Variants in TMEM135 observed in about 807,000 individuals in gnomAD.
TMEM135 encodes peroxisomal membrane protein 52.
In TMEM135, 30 loss-of-function variants were observed where a neutral mutation model predicts 60.3. The observed-to-expected ratio is 0.50, with a 90% CI of 0.37 to 0.68. The LOEUF (loss-of-function observed/expected upper bound fraction) is 0.68. Among genes scored for constraint, TMEM135 ranks in the 30% least tolerant of loss-of-function variants. The pLI is 0.00. For missense variants in TMEM135, 468 were observed against 548.8 expected (o/e 0.85, Z 1.47); for synonymous variants, 190 against 186.7 (o/e 1.02, Z -0.14).
In TMEM135 at chr11:87,223,296, C is replaced by T. The variant is rs1940687680; in HGVS notation, c.463-13342C>T. Among the ~76,000 whole-genome samples the T allele has an allele frequency of 3.3e-5, 5 of 151,842 alleles. No homozygotes were observed. The South Asian group carries it at 6.2e-4, about 19-fold the overall frequency. ...TCTCCTGCCTCAGCCTCCCGAGTAG[C>T]TGTGACTACAGGCGCCAGCCACCAT... is the stretch of plus-strand genomic sequence containing the variant. On this transcript the variant is annotated intron_variant, in intron 5 of 14. Coordinates refer to ENST00000305494, the MANE Select transcript of TMEM135 (RefSeq NM_022918.4).
chr11:87,102,087 C>G (rs964452058), intron 4 of TMEM135, among the ~76,000 whole-genome samples: 1 of 152,230 alleles, frequency 6.6e-6, no homozygotes, highest in African/African-American at 2.4e-5. Flanking sequence ...CTGGCAGACA[C>G]CAGCTTAGTG....
intron 8 of TMEM135, among the ~76,000 whole-genome samples, chr11:87,303,851 A>G (rs1942489382): frequency 6.6e-6 from 1 of 152,218 alleles, no homozygotes; most frequent in Admixed American, 6.5e-5. Context: ...CAGAGAATGA[A>G]TTATATGGGT....
chr11:87,225,297 G>A (rs936690904), intron 5 of TMEM135, among the ~76,000 whole-genome samples: 1 of 152,002 alleles, frequency 6.6e-6, no homozygotes, highest in Admixed American at 6.5e-5. Context: ...CTCTAAAGTA[G>A]GGGTAATGAT....
At chr11:87,128,377 G>A (rs1937798250) in intron 4 of TMEM135, among the ~76,000 whole-genome samples, 1 of 152,018 alleles carries the variant, frequency 6.6e-6, no homozygotes, top group Non-Finnish European at 1.5e-5. Context: ...TCAACCTTCT[G>A]CGTGTTCTTT....
chr11:87,316,893 TA>T (rs1439603299), intron 12 of TMEM135, among the ~76,000 whole-genome samples: 1 of 151,524 alleles, frequency 6.6e-6, no homozygotes, highest in East Asian at 1.9e-4. Flanking sequence ...TTTTTTTTTT[TA>T]AATAGGATAT....
intron 4 of TMEM135, among the ~76,000 whole-genome samples, chr11:87,142,335 C>A (rs1938285241): frequency 6.6e-6 from 1 of 152,256 alleles, no homozygotes; most frequent in East Asian, 1.9e-4. Flanking sequence ...CGCTTGAGGG[C>A]ATGGATAGAG....
chr11:87,101,764 T>C (rs1006227129), intron 4 of TMEM135, among the ~76,000 whole-genome samples: 4 of 152,072 alleles, frequency 2.6e-5, no homozygotes, highest in Admixed American at 2.6e-4. Flanking sequence ...CACCAGAGGT[T>C]GGGAGTTCGA....
At chr11:87,181,884 G>A (rs754166301) in intron 5 of TMEM135, among the ~76,000 whole-genome samples, 5 of 151,660 alleles carry the variant, frequency 3.3e-5, no homozygotes, top group South Asian at 4.2e-4. Flanking sequence ...TCTTTTATAA[G>A]AATTGAATCA....
chr11:87,097,752 G>A (rs1857363057), intron 4 of TMEM135, among the ~76,000 whole-genome samples: 1 of 152,190 alleles, frequency 6.6e-6, no homozygotes, highest in African/African-American at 2.4e-5. Context: ...CTTGCTGTTC[G>A]CTCTGTTTTG....
chr11:87,039,074 G>C (rs916152292), intron 1 of TMEM135, among the ~76,000 whole-genome samples: 1 of 151,928 alleles, frequency 6.6e-6, no homozygotes, highest in African/African-American at 2.4e-5. Context: ...CATATTTTTT[G>C]TATGTCTTCT....
At chr11:87,184,120 TTTTG>T (rs1191147852) in intron 5 of TMEM135, among the ~76,000 whole-genome samples, 1 of 152,168 alleles carries the variant, frequency 6.6e-6, no homozygotes, top group Non-Finnish European at 1.5e-5. Context: ...GTCATAGTTG[TTTTG>T]TTTGTTCTTT....
chr11:87,327,991 G>T lies in TMEM135; in HGVS notation c.*6658G>T, dbSNP rs1486450127. 1.1e-5 allele frequency: 5 copies of T among 453,884 alleles called. No homozygotes were observed. The highest frequency in any genetic ancestry group is 2.0e-5 in the African/African-American group (1 of 49,966). The allele number at this position is 453,884 out of a possible 1,614,324, so 28.1% of individuals were successfully genotyped here. A position where few individuals can be genotyped will look rare whatever the true frequency, so the allele number is the denominator to read the frequency against. ...CTGCCTAGTCCACGCTAACTCACATGCCAATCTCCTCTGGAAACACCCTCA... is the reference window on the plus strand; with the variant it reads ...CTGCCTAGTCCACGCTAACTCACATTCCAATCTCCTCTGGAAACACCCTCA... On this transcript the variant is annotated 3_prime_UTR_variant, in exon 15 of 15. Coordinates refer to ENST00000305494, the MANE Select transcript of TMEM135 (RefSeq NM_022918.4).
rs1273099861 is a variant in TMEM135 at position 87,313,477 on chromosome 11, C to A, written c.989C>A (p.Ala330Asp). Reference sequence around the variant, plus strand: ...AGAAACTTAGATGATGAACTACATGCTATTATAGCTGGTAAAGCAATAATA... The same window carrying A: ...AGAAACTTAGATGATGAACTACATGATATTATAGCTGGTAAAGCAATAATA... ...WIRNLDDELH[A>D]IIAGFLAGIS... is the part of the protein sequence containing the mutation. Residue 330 changes from alanine to aspartate, a missense_variant, in exon 11 of 15, where the codon GCT becomes GAT. Physicochemically the swap from Ala to Asp is moderately radical, Grantham distance 126. Coordinates refer to ENST00000305494, the MANE Select transcript of TMEM135 (RefSeq NM_022918.4). 1 of 1,610,006 alleles carries A rather than the reference C, an allele frequency of 6.2e-7. No individual in the cohort carries two copies. The highest frequency in any genetic ancestry group is 8.5e-7 in the Non-Finnish European group (1 of 1,177,084).
At position 87,328,398 on chromosome 11, in the gene TMEM135, T is replaced by C. The variant is rs1444665025; in HGVS notation, c.*7065T>C. 1 of 453,566 alleles carries C rather than the reference T, an allele frequency of 2.2e-6. No individual in the cohort carries two copies. The highest frequency in any genetic ancestry group is 2.4e-5 in the Admixed American group (1 of 42,502). 28.1% of individuals were successfully genotyped at this position (453,566 alleles called of 1,614,324 possible). ...TCAGTAGCTTTTGGGGTACAAGTGG[T>C]TTTTGGTTGCATGGATGAATTGTAT... On this transcript the variant is annotated 3_prime_UTR_variant, in exon 15 of 15. Transcript: ENST00000305494.
At chr11:87,175,365 A>G (rs1939341432) in intron 5 of TMEM135, among the ~76,000 whole-genome samples, 1 of 151,902 alleles carries the variant, frequency 6.6e-6, no homozygotes, top group Admixed American at 6.6e-5. Context: ...TGATGAACAA[A>G]CAGTTTATTT....
At chr11:87,055,198 A>G (rs760240617) in intron 1 of TMEM135, among the ~76,000 whole-genome samples, 2 of 152,228 alleles carry the variant, frequency 1.3e-5, no homozygotes, top group Non-Finnish European at 2.9e-5. Context: ...ATATGAATAT[A>G]TATGAAATGC....
intron 4 of TMEM135, among the ~76,000 whole-genome samples, chr11:87,143,323 C>G (rs1591052218): frequency 6.6e-6 from 1 of 150,752 alleles, no homozygotes; most frequent in East Asian, 1.9e-4. Context: ...TACCTGGACC[C>G]ATTTGGATTC....
chr11:87,094,433 C>T lies in TMEM135; in HGVS notation c.396+3038C>T, dbSNP rs76545102. Reference sequence around the variant, plus strand: ...TAATTTAGAGGTCTTGGAATGAGTTCTGTGCTATTACTGGCAGACTCTGGA... The same window carrying T: ...TAATTTAGAGGTCTTGGAATGAGTTTTGTGCTATTACTGGCAGACTCTGGA... On this transcript the variant is annotated intron_variant, in intron 4 of 14. Coordinates refer to ENST00000305494, the MANE Select transcript of TMEM135 (RefSeq NM_022918.4). Among the ~76,000 whole-genome samples, 1,277 of 152,264 alleles carry T rather than the reference C, an allele frequency of 8.4e-3. 24 individuals are homozygous for T. Among genetic ancestry groups the T allele is most frequent in the African/African-American group, 0.029 (1,225 of 41,552 alleles).
intron 4 of TMEM135, among the ~76,000 whole-genome samples, chr11:87,104,662 T>G (rs1423437740): frequency 6.6e-6 from 1 of 152,190 alleles, no homozygotes; most frequent in East Asian, 1.9e-4. Flanking sequence ...CCCTAAGGAT[T>G]TTATTTTTTG....
Sources: gnomAD v4.1 joint callset for allele counts (sites outside exome capture counted in the v4.1 genomes callset) on GRCh38, gnomAD v4.1.1 for gene constraint, MANE v1.5 for transcripts, NCBI Gene and HGNC (gene_info 2026-07-23, HGNC 2026-07-21) for gene names.